Variants in ARMCX4 observed in about 807,000 individuals in gnomAD.
ARMCX4 encodes armadillo repeat containing X-linked 4.
In ARMCX4, 3 loss-of-function variants were observed where a neutral mutation model predicts 34.7. That is an observed-to-expected ratio of 0.09 (90% CI 0.04 to 0.22). The LOEUF (loss-of-function observed/expected upper bound fraction) is 0.22, where lower values mean the gene tolerates loss of function less well. Among genes scored for constraint, ARMCX4 ranks in the 10% least tolerant of loss-of-function variants. The probability of loss-of-function intolerance (pLI) is 1.00; values close to 1 mark genes in which losing one functional copy is unlikely to be tolerated. For synonymous variants in ARMCX4, 513 were observed against 632.8 expected (o/e 0.81, Z 2.84); for missense variants, 1,448 against 1,720.8 (o/e 0.84, Z 2.81).
At chrX:101,502,910 T>C (rs782284909) in intron 7 of ARMCX4, among the ~76,000 whole-genome samples, 1,026 of 100,729 alleles carry the variant, frequency 0.01, 9 homozygotes, top group Non-Finnish European at 0.016. Context: ...ACATTAGGTA[T>C]AACTCCTAAT....
intron 10 of ARMCX4, among the ~76,000 whole-genome samples, chrX:101,510,714 G>A (rs1427907750): frequency 8.1e-5 from 9 of 111,639 alleles, no homozygotes; most frequent in Admixed American, 5.7e-4. Context: ...TTGTGTTACT[G>A]TTGTCTCCTA....
intron 4 of ARMCX4, among the ~76,000 whole-genome samples, chrX:101,470,462 G>T (rs896905618): frequency 9.1e-6 from 1 of 110,024 alleles, no homozygotes; most frequent in East Asian, 2.9e-4. Flanking sequence ...ACAGGTGTGC[G>T]CCACCACACC....
chrX:101,431,617 C>G (rs894391647), intron 2 of ARMCX4, among the ~76,000 whole-genome samples: 10 of 111,399 alleles, frequency 9.0e-5, no homozygotes, highest in Non-Finnish European at 1.9e-4. Flanking sequence ...AATCTCGGCT[C>G]CCTGCAAGCT....
At chrX:101,498,009 C>T (rs1016778531), downstream of ARMCX4, 1 of 228,355 alleles carries the variant, frequency 4.4e-6, no homozygotes. Context: ...AAGAAAGCCA[C>T]CTCCCCCAAG....
chrX:101,431,969 T>C (rs1297644483), intron 2 of ARMCX4, among the ~76,000 whole-genome samples: 8 of 112,750 alleles, frequency 7.1e-5, no homozygotes, highest in Non-Finnish European at 1.3e-4. Flanking sequence ...CAAAAAGATA[T>C]ATATGAAAAC....
Position 101,489,913 on chromosome X carries a change from G to T in ARMCX4, c.1324G>T (p.Val442Phe). ...AKANLRANSQ[V>F]EALPDARDKS... The stretch of plus-strand genomic sequence containing the variant: ...GGCAAACTTGAGGGCCAATTCCCAG[G>T]TTGAGGCCTTGCCTGATGCCAGGGA... Residue 442 changes from valine to phenylalanine, a missense_variant, in exon 6 of 6, where the codon GTT becomes TTT. Physicochemically the swap from Val to Phe is conservative, Grantham distance 50 (BLOSUM62 -1). This residue lies in a region of ARMCX4 where 1,343 missense variants were observed against 1,540.7 expected (regional missense o/e 0.87). Coordinates refer to ENST00000423738, the MANE Select transcript of ARMCX4 (RefSeq NM_001256155.3). 2 of 1,156,145 alleles carry T rather than the reference G, an allele frequency of 1.7e-6. No individual in the cohort carries two copies. The highest frequency in any genetic ancestry group is 3.3e-5 in the East Asian group (1 of 30,768).
intron 4 of ARMCX4, among the ~76,000 whole-genome samples, chrX:101,475,681 A>C (rs1283219645): frequency 9.0e-6 from 1 of 111,577 alleles, no homozygotes; most frequent in African/African-American, 3.3e-5. Context: ...CCAGGCAAAA[A>C]CTAATAAAAA....
intron 4 of ARMCX4, among the ~76,000 whole-genome samples, chrX:101,477,391 A>G (rs1171874850): frequency 1.2e-5 from 1 of 84,201 alleles, no homozygotes; most frequent in Non-Finnish European, 2.2e-5. Flanking sequence ...AAATCGTGCC[A>G]CTGTACTCCA....
At chrX:101,483,522 G>C (rs1271961574), upstream of ARMCX4, among the ~76,000 whole-genome samples, 2 of 111,233 alleles carry the variant, frequency 1.8e-5, no homozygotes, top group African/African-American at 6.5e-5. Flanking sequence ...GCATTTCTTT[G>C]TTTGAGCATC....
Position 101,443,857 on chromosome X carries a change from G to A in ARMCX4, n.165-195G>A, listed in dbSNP as rs150262790. ...AGATGAAAAACTAGGAACCATTTGC[G>A]TTGGGTCCAGCATTTTCCATGAACA... On this transcript the variant is annotated intron_variant and non_coding_transcript_variant, in intron 2 of 3. Coordinates refer to the ARMCX4 transcript ENST00000430461. The A allele has an allele frequency of 1.9e-3, 681 of 362,543 alleles. 2 individuals carry two copies. Among genetic ancestry groups the A allele is most frequent in the African/African-American group, 0.016 (617 of 38,665 alleles). 29.9% of individuals were successfully genotyped at this position (362,543 alleles called of 1,213,427 possible).
In ARMCX4 at chrX:101,492,616, G is replaced by A. The variant is rs1556009864; in HGVS notation, c.4027G>A (p.Gly1343Arg). Residue 1343 changes from glycine to arginine, a missense_variant, in exon 6 of 6, where the codon GGG (glycine) becomes AGG (arginine). Gly to Arg is a moderately radical substitution (Grantham distance 125). Transcript: ENST00000423738. ...CCAGGCTAGTGGAGGGTCAATGTTG[G>A]GGCCTGAGGACCAGTCCAGTGGAAG... ...GGQASGGSMLGPEDQSSGRSW... is the reference protein window; with the variant it reads ...GGQASGGSMLRPEDQSSGRSW... 1 of 1,128,063 alleles carries A rather than the reference G, an allele frequency of 8.9e-7. No individual in the cohort carries two copies. Among genetic ancestry groups the A allele is most frequent in the Admixed American group, 2.7e-5 (1 of 36,451 alleles). The allele number at this position is 1,128,063 out of a possible 1,213,427, so 93.0% of individuals were successfully genotyped here.
chrX:101,458,848 A>C (rs1357725903), intron 4 of ARMCX4, among the ~76,000 whole-genome samples: 1 of 111,655 alleles, frequency 9.0e-6, no homozygotes. Flanking sequence ...CTTCTAAACA[A>C]AGCATTGATA....
upstream of ARMCX4, among the ~76,000 whole-genome samples, chrX:101,481,313 A>T (rs1392696119): frequency 8.9e-6 from 1 of 112,004 alleles, no homozygotes; most frequent in Non-Finnish European, 1.9e-5. Flanking sequence ...TTTTCTTTCA[A>T]TGTAGTATTC....
intron 4 of ARMCX4, among the ~76,000 whole-genome samples, chrX:101,477,430 C>CAAAAAAAAAAAAAAAAAAAAAA (rs1156582627): frequency 8.0e-5 from 1 of 12,496 alleles, no homozygotes; most frequent in African/African-American, 3.0e-4. Flanking sequence ...GACTCTGTCT[C>CAAAAAAAAAAAAAAAAAAAAAA]AAAAAAAAAA....
chrX:101,469,482 A>G (rs1046578683), intron 4 of ARMCX4, among the ~76,000 whole-genome samples: 8 of 112,041 alleles, frequency 7.1e-5, no homozygotes, highest in African/African-American at 1.9e-4. Flanking sequence ...AGGTACATAT[A>G]TATGCATGAA....
At chrX:101,482,185 G>A (rs1307700205), upstream of ARMCX4, among the ~76,000 whole-genome samples, 3 of 111,014 alleles carry the variant, frequency 2.7e-5, no homozygotes, top group Non-Finnish European at 5.7e-5. Flanking sequence ...GGTGAGCCAA[G>A]ATCGCACCAC....
rs1933919466 is a variant in ARMCX4, at chrX:101,490,259, C to A, written c.1670C>A (p.Pro557Gln). 8.7e-7 allele frequency: 1 copy of A among 1,153,783 alleles called. No individual in the cohort carries two copies. The highest frequency in any genetic ancestry group is 3.3e-5 in the East Asian group (1 of 30,635). Reference sequence around the variant, plus strand: ...CAACCTCAGGCTGGGGTCAAGACCCCAGCTGAGGCCTTGCTTGATTCCAGG... The same window carrying A: ...CAACCTCAGGCTGGGGTCAAGACCCAAGCTGAGGCCTTGCTTGATTCCAGG... ...CTQPQAGVKT[P>Q]AEALLDSRVD... The change falls in exon 6 of 6, where the codon CCA (proline) becomes CAA (glutamine). Residue 557 changes from proline (P) to glutamine (Q), a missense_variant. Around this residue, in one of 2 missense-constraint regions of ARMCX4, gnomAD observed 1,343 missense variants for 1,540.7 expected, o/e 0.87. Coordinates refer to ENST00000423738, the MANE Select transcript of ARMCX4 (RefSeq NM_001256155.3).
At chrX:101,512,233 T>G (rs1934595809) in intron 11 of ARMCX4, among the ~76,000 whole-genome samples, 1 of 111,329 alleles carries the variant, frequency 9.0e-6, no homozygotes, top group Non-Finnish European at 1.9e-5. Context: ...AATACAAAAA[T>G]TAGCCTGGTG....
At chrX:101,487,905 G>A (rs370259900) in intron 4 of ARMCX4, 139 bp from the exon 5 acceptor site, 34 of 311,904 alleles carry the variant, frequency 1.1e-4, no homozygotes, top group African/African-American at 4.4e-4. Context: ...GGAGTGGGGT[G>A]GACTGAGAAA....
Sources: allele counts gnomAD v4.1 joint callset (sites outside exome capture counted in the v4.1 genomes callset), GRCh38; gene constraint gnomAD v4.1.1; regional missense constraint gnomAD v4.1.1; transcripts MANE v1.5; gene names NCBI Gene and HGNC (gene_info 2026-07-23, HGNC 2026-07-21).